The following GAB2 variants were observed in gnomAD, a reference collection of about 807,000 sequenced individuals.
GAB2 encodes the protein GRB2-associated-binding protein 2.
A neutral mutation model predicts 65.5 loss-of-function variants in GAB2; 26 were observed. The ratio of observed to expected loss-of-function variants is 0.40; its 90% CI spans 0.29 to 0.55. The LOEUF (loss-of-function observed/expected upper bound fraction) is 0.55, where lower values mean the gene tolerates loss of function less well. Among genes scored for constraint, GAB2 ranks in the 20% least tolerant of loss-of-function variants. GAB2 has a pLI of 0.53. For missense variants in GAB2, 884 were observed against 875.8 expected (o/e 1.01, Z -0.12); for synonymous variants, 321 against 329.6 (o/e 0.97, Z 0.28).
At chr11:78,287,202 A>C (rs1866507104) in intron 1 of GAB2, among the ~76,000 whole-genome samples, 2 of 152,240 alleles carry the variant, frequency 1.3e-5, no homozygotes, top group Admixed American at 6.5e-5. Context: ...ACTCTCAGAA[A>C]AACAGGAACA....
chr11:78,263,774 C>A (rs61571302), intron 2 of GAB2, among the ~76,000 whole-genome samples: 1 of 151,942 alleles, frequency 6.6e-6, no homozygotes, highest in African/African-American at 2.4e-5. Flanking sequence ...AAATAACCCA[C>A]GGGATCATTT....
chr11:78,304,582 T>C (rs904725245), intron 1 of GAB2, among the ~76,000 whole-genome samples: 1 of 152,238 alleles, frequency 6.6e-6, no homozygotes, highest in Non-Finnish European at 1.5e-5. Context: ...AGGCTCCTTA[T>C]TGCCTAGCAG....
At position 78,267,236 on chromosome 11, in the gene GAB2, A is replaced by C. The variant is rs1278325481; in HGVS notation, c.376+13365T>G. ...GCTAGCACACAAGAGCAGGGCTAGGAACAAAAGATCCTACAGCACTGGCTT... is the reference window on the plus strand; with the variant it reads ...GCTAGCACACAAGAGCAGGGCTAGGCACAAAAGATCCTACAGCACTGGCTT... On this transcript the variant is annotated intron_variant, in intron 2 of 9. Transcript: ENST00000361507. Among the ~76,000 whole-genome samples, 6 of 152,204 alleles carry C rather than the reference A, an allele frequency of 3.9e-5. No individual in the cohort carries two copies. In the South Asian group the frequency reaches 6.2e-4, roughly 16 times the overall value.
intron 1 of GAB2, among the ~76,000 whole-genome samples, chr11:78,366,076 A>G (rs1856493276): frequency 6.6e-6 from 1 of 152,242 alleles, no homozygotes; most frequent in Non-Finnish European, 1.5e-5. Context: ...TTTATAAACT[A>G]TAAGGTGGTG....
At chr11:78,370,725 A>ATATGTG (rs1554995540) in intron 1 of GAB2, among the ~76,000 whole-genome samples, 7 of 148,898 alleles carry the variant, frequency 4.7e-5, no homozygotes, top group African/African-American at 1.5e-4. Context: ...GTGTGTGTGT[A>ATATGTG]TGTGTGTGTG....
At chr11:78,328,236 A>G (rs1434928256) in intron 1 of GAB2, among the ~76,000 whole-genome samples, 1 of 152,212 alleles carries the variant, frequency 6.6e-6, no homozygotes, top group Non-Finnish European at 1.5e-5. Flanking sequence ...TGGGATGACA[A>G]AAACAATTTC....
chr11:78,242,666 A>C (rs192130936), intron 3 of GAB2, among the ~76,000 whole-genome samples: 289 of 152,318 alleles, frequency 1.9e-3, no homozygotes, highest in African/African-American at 6.7e-3. Context: ...TTTCAAATAA[A>C]CATCCTAATG....
At chr11:78,234,374 C>T (rs1372475549) in intron 3 of GAB2, among the ~76,000 whole-genome samples, 2 of 152,138 alleles carry the variant, frequency 1.3e-5, no homozygotes, top group Non-Finnish European at 2.9e-5. Flanking sequence ...TGAACTACTG[C>T]GCCCAGCCTA....
intron 1 of GAB2, among the ~76,000 whole-genome samples, chr11:78,387,736 G>C (rs1252578765): frequency 6.6e-6 from 1 of 152,184 alleles, no homozygotes; most frequent in Non-Finnish European, 1.5e-5. Context: ...GGCTCAAAGA[G>C]ATTAGATGAC....
At chr11:78,378,138 A>C (rs1856654462) in intron 1 of GAB2, among the ~76,000 whole-genome samples, 1 of 152,158 alleles carries the variant, frequency 6.6e-6, no homozygotes, top group African/African-American at 2.4e-5. Context: ...TAGGATTTTA[A>C]ATTTGGAGTT....
intron 1 of GAB2, among the ~76,000 whole-genome samples, chr11:78,340,118 T>A (rs774959375): frequency 6.6e-6 from 1 of 152,250 alleles, no homozygotes; most frequent in Non-Finnish European, 1.5e-5. Context: ...ACCAGACTGA[T>A]GTCATTCTGG....
At chr11:78,339,349 C>G (rs762064891) in intron 1 of GAB2, among the ~76,000 whole-genome samples, 1 of 152,064 alleles carries the variant, frequency 6.6e-6, no homozygotes, top group East Asian at 1.9e-4. Flanking sequence ...TCTTTTTTTG[C>G]ACCCATTTGG....
Position 78,309,212 on chromosome 11 carries a change from A to T in GAB2, c.76-28311T>A, listed in dbSNP as rs114121403. Among the ~76,000 whole-genome samples the T allele has an allele frequency of 1.9e-3, 282 of 152,274 alleles. 3 individuals are homozygous for T. Among genetic ancestry groups the T allele is most frequent in the Middle Eastern group, 6.8e-3 (2 of 294 alleles). ...GGTAGGGAAATATTAAGAGTAGCAG[A>T]CTCAAGCAATTAAAAAAATTGAGAT... On this transcript the variant is annotated intron_variant, in intron 1 of 9. Coordinates refer to ENST00000361507, the MANE Select transcript of GAB2 (RefSeq NM_080491.3).
chr11:78,309,971 T>TGTGTGTGTGTGTGTGTGTGTGTGTACGC (rs1421836447), intron 1 of GAB2, among the ~76,000 whole-genome samples: 1 of 120,090 alleles, frequency 8.3e-6, no homozygotes, highest in African/African-American at 3.6e-5. Flanking sequence ...TGTGTGTGTG[T>TGTGTGTGTGTGTGTGTGTGTGTGTACGC]GCGCGCGCGC....
At chr11:78,233,539 C>A (rs1233525931) in intron 3 of GAB2, among the ~76,000 whole-genome samples, 1 of 152,086 alleles carries the variant, frequency 6.6e-6, no homozygotes, top group Non-Finnish European at 1.5e-5. Context: ...TGTAGAAGTT[C>A]TTTATATGGA....
In GAB2 at chr11:78,251,713, C is replaced by T. The variant is rs114049489; in HGVS notation, c.377-1313G>A. 9.4e-3 allele frequency among the ~76,000 whole-genome samples: 1,427 copies of T among 151,988 alleles called. 24 individuals are homozygous for T. The highest frequency in any genetic ancestry group is 0.032 in the African/African-American group (1,337 of 41,538). On this transcript the variant is annotated intron_variant, in intron 2 of 9. Coordinates refer to ENST00000361507, the MANE Select transcript of GAB2 (RefSeq NM_080491.3). ...AGACTTTTAGACCCTACACAGATATCATATTCTCTCCCAAATCTTCCTGGA... is the reference window on the plus strand; with the variant it reads ...AGACTTTTAGACCCTACACAGATATTATATTCTCTCCCAAATCTTCCTGGA...
Position 78,291,561 on chromosome 11 carries a change from C to CTTTTTTTTTTTTTT in GAB2, c.76-10674_76-10661dup, listed in dbSNP as rs1163199130. On this transcript the variant is annotated intron_variant, in intron 1 of 9. Coordinates refer to ENST00000361507, the MANE Select transcript of GAB2 (RefSeq NM_080491.3). ...TTGAGAGACTTACTTTTTTCTTTTTCTTTTTTTTTTTTTTTTTTTTTTTTT... is the reference window on the plus strand; with the variant it reads ...TTGAGAGACTTACTTTTTTCTTTTTCTTTTTTTTTTTTTTTTTTTTTTTTTTTTTTTTTTTTTTT... 2.2e-4 allele frequency among the ~76,000 whole-genome samples: 18 copies of CTTTTTTTTTTTTTT among 80,898 alleles called. 1 individual carries two copies. Among genetic ancestry groups the CTTTTTTTTTTTTTT allele is most frequent in the East Asian group, 1.2e-3 (3 of 2,586 alleles). The allele number at this position is 80,898 out of a possible 152,430, so 53.1% of individuals were successfully genotyped here. A position where few individuals can be genotyped will look rare whatever the true frequency, so the allele number is the denominator to read the frequency against.
At chr11:78,261,643 A>G (rs751423047) in intron 2 of GAB2, among the ~76,000 whole-genome samples, 8 of 152,108 alleles carry the variant, frequency 5.3e-5, no homozygotes, top group Non-Finnish European at 1.0e-4. Flanking sequence ...TGGTCCCATC[A>G]AGGATTCATT....
intron 1 of GAB2, among the ~76,000 whole-genome samples, chr11:78,409,597 T>A (rs1261365852): frequency 6.6e-6 from 1 of 150,462 alleles, no homozygotes; most frequent in African/African-American, 2.4e-5. Context: ...AAAAAAATAA[T>A]AAAAAAAATA....
Sources: allele counts gnomAD v4.1 joint callset (sites outside exome capture counted in the v4.1 genomes callset), GRCh38; gene constraint gnomAD v4.1.1; transcripts MANE v1.5; gene names NCBI Gene and HGNC (gene_info 2026-07-23, HGNC 2026-07-21).